The following ODR4 variants were observed in gnomAD, a reference collection of about 807,000 sequenced individuals.
ODR4 encodes the protein odr-4 GPCR localization factor homolog, also known as protein odr-4 homolog.
In ODR4, 47 loss-of-function variants were observed where a neutral mutation model predicts 60.2. The ratio of observed to expected loss-of-function variants is 0.78; its 90% CI spans 0.62 to 1.00. ODR4 has a LOEUF of 1.00. ODR4 is among the 50% of genes least tolerant of loss of function. ODR4 has a pLI of 0.00. For synonymous variants in ODR4, 178 were observed against 175.5 expected (o/e 1.01, Z -0.11); for missense variants, 488 against 530.8 (o/e 0.92, Z 0.79).
chr1:186,427,379 C>A, the ODR4 span, among the ~76,000 whole-genome samples: 11 of 152,194 alleles, frequency 7.2e-5, no homozygotes, highest in African/African-American at 2.7e-4. Flanking sequence ...GGAGTAGGTT[C>A]TATCTCCAGA....
chr1:186,415,764 C>G (rs1004965617), intron 12 of ODR4, among the ~76,000 whole-genome samples: 2 of 152,368 alleles, frequency 1.3e-5, no homozygotes, highest in South Asian at 2.1e-4. Context: ...CACACACTTT[C>G]ATTCAGCATT....
intron 4 of ODR4, among the ~76,000 whole-genome samples, chr1:186,387,983 T>G (rs1660316628): frequency 6.6e-6 from 1 of 152,232 alleles, no homozygotes; most frequent in Non-Finnish European, 1.5e-5. Context: ...CATGCTTGAT[T>G]TCTTTAGTTA....
At chr1:186,427,229 T>A in the ODR4 span, among the ~76,000 whole-genome samples, 2 of 152,224 alleles carry the variant, frequency 1.3e-5, no homozygotes, top group Admixed American at 1.3e-4. Flanking sequence ...GTGATGCCAT[T>A]TGATAGCATT....
the ODR4 span, among the ~76,000 whole-genome samples, chr1:186,431,686 A>T: frequency 1.3e-5 from 2 of 152,204 alleles, no homozygotes; most frequent in African/African-American, 4.8e-5. Context: ...TGATATTTGA[A>T]TTCTGAAATA....
In ODR4 at chr1:186,390,864, A is replaced by T; in HGVS notation, c.615+13A>T. 1 of 1,605,760 alleles carries T rather than the reference A, an allele frequency of 6.2e-7. No homozygotes were observed. Among genetic ancestry groups the T allele is most frequent in the Non-Finnish European group, 8.5e-7 (1 of 1,175,012 alleles). On this transcript the variant is annotated intron_variant, in intron 7 of 13. Coordinates refer to ENST00000287859, the MANE Select transcript of ODR4 (RefSeq NM_017847.6). ...GAAAAATACAAAGGTACCAGGGTAA[A>T]ATGAATTTTCTTCAGTGATTGCTGA...
At chr1:186,398,831 A>ATG in intron 10 of ODR4, 123 bp from the exon 11 acceptor site, 1 of 591,112 alleles carries the variant, frequency 1.7e-6, no homozygotes, top group Admixed American at 3.6e-5. Context: ...ACATTGAATG[A>ATG]TGTATCAGTT....
rs1660779717 is a variant in ODR4 at position 186,398,358 on chromosome 1, A to T, written c.826A>T (p.Ser276Cys). ...HRSTATVQIC[S>C]GSVNLKGAVK... The stretch of plus-strand genomic sequence containing the variant: ...ATCCACAGCCACAGTCCAGATATGT[A>T]GCGGTTCTGTAAACCTTAAGGGTGC... Residue 276 changes from serine (S) to cysteine (C), a missense_variant, in exon 10 of 14, where the codon AGC becomes TGC. Transcript: ENST00000287859. The T allele has an allele frequency of 6.2e-7, 1 of 1,611,282 alleles. No individual in the cohort carries two copies. The highest frequency in any genetic ancestry group is 8.5e-7 in the Non-Finnish European group (1 of 1,178,436).
chr1:186,431,164 G>A, the ODR4 span, among the ~76,000 whole-genome samples: 1 of 152,170 alleles, frequency 6.6e-6, no homozygotes, highest in Non-Finnish European at 1.5e-5. Context: ...ACTTGTAGGT[G>A]TGCTGGTGAA....
At chr1:186,383,392 A>G (rs1484841981) in intron 3 of ODR4, among the ~76,000 whole-genome samples, 3 of 152,114 alleles carry the variant, frequency 2.0e-5, no homozygotes, top group Non-Finnish European at 4.4e-5. Context: ...GTATTTATTG[A>G]ATGAATTATA....
At chr1:186,428,881 G>A in the ODR4 span, among the ~76,000 whole-genome samples, 100 of 152,222 alleles carry the variant, frequency 6.6e-4, 1 homozygote, top group East Asian at 0.017. Flanking sequence ...TCTTATATGG[G>A]CATGGTTCAT....
rs569198308 is a variant in ODR4 at position 186,402,733 on chromosome 1, G to A, written c.1001-3350G>A. Among the ~76,000 whole-genome samples, 12 of 149,782 alleles carry A rather than the reference G, an allele frequency of 8.0e-5. No homozygotes were observed. In the South Asian group the frequency reaches 8.5e-4, roughly 11 times the overall value. ...CTCCCAGGTAGCTGGGACTACAAGC[G>A]CACAGCAGTATGCCTGAGTAATCTT... is the stretch of plus-strand genomic sequence containing the variant. On this transcript the variant is annotated intron_variant, in intron 11 of 13. Coordinates refer to ENST00000287859, the MANE Select transcript of ODR4 (RefSeq NM_017847.6).
At chr1:186,397,076 G>A (rs1339452765) in intron 9 of ODR4, among the ~76,000 whole-genome samples, 1 of 152,080 alleles carries the variant, frequency 6.6e-6, no homozygotes, top group Non-Finnish European at 1.5e-5. Flanking sequence ...GAGCTGTGTG[G>A]TCTGTGGCAA....
intron 5 of ODR4, among the ~76,000 whole-genome samples, 165 bp from the exon 6 acceptor site, chr1:186,389,423 T>A (rs541284906): frequency 1.3e-5 from 2 of 152,296 alleles, no homozygotes; most frequent in African/African-American, 4.8e-5. Flanking sequence ...TACACATATG[T>A]ATATATATGC....
At chr1:186,380,276 T>C (rs1200925143) in intron 2 of ODR4, among the ~76,000 whole-genome samples, 1 of 152,226 alleles carries the variant, frequency 6.6e-6, no homozygotes, top group African/African-American at 2.4e-5. Flanking sequence ...ATTTTATTCC[T>C]GTTCTAATTT....
At chr1:186,384,317 G>A (rs3131550) in intron 3 of ODR4, among the ~76,000 whole-genome samples, 2 of 151,160 alleles carry the variant, frequency 1.3e-5, no homozygotes, top group Non-Finnish European at 2.9e-5. Flanking sequence ...ACCAGCTCTC[G>A]TAGGAACAAA....
Position 186,386,092 on chromosome 1 carries a change from G to C in ODR4, c.330+9G>C. 4 of 1,498,508 alleles carry C rather than the reference G, an allele frequency of 2.7e-6. No individual in the cohort carries two copies. Among genetic ancestry groups the C allele is most frequent in the Non-Finnish European group, 3.7e-6 (4 of 1,095,208 alleles). The allele number at this position is 1,498,508 out of a possible 1,614,324, so 92.8% of individuals were successfully genotyped here. A position where few individuals can be genotyped will look rare whatever the true frequency, so the allele number is the denominator to read the frequency against. ...AAAATGCCCTGCGTAGAGTAAGTTT[G>C]ATATATCGAAAATTCTTAATGAAAT... On this transcript the variant is annotated intron_variant, in intron 4 of 13. Coordinates refer to ENST00000287859, the MANE Select transcript of ODR4 (RefSeq NM_017847.6).
At chr1:186,409,628 C>T (rs1377894529) in intron 12 of ODR4, among the ~76,000 whole-genome samples, 2 of 152,222 alleles carry the variant, frequency 1.3e-5, no homozygotes, top group Non-Finnish European at 2.9e-5. Flanking sequence ...TCACTGCAAC[C>T]TCTGCCTCCC....
At position 186,420,766 on chromosome 1, in the gene ODR4, G is replaced by C. The variant is rs546908742; in HGVS notation, c.*1690G>C. 6.6e-6 allele frequency: 1 copy of C among 152,232 alleles called. No individual in the cohort carries two copies. The highest frequency in any genetic ancestry group is 2.1e-4 in the South Asian group (1 of 4,822). The allele number at this position is 152,232 out of a possible 1,614,324, so 9.4% of individuals were successfully genotyped here. A position where few individuals can be genotyped will look rare whatever the true frequency, so the allele number is the denominator to read the frequency against. Reference sequence around the variant, plus strand: ...AAACATTGGAAAGTTAAGAGAGTTCGAGGGAAGAATTATAAAGACTAGGAG... The same window carrying C: ...AAACATTGGAAAGTTAAGAGAGTTCCAGGGAAGAATTATAAAGACTAGGAG... On this transcript the variant is annotated 3_prime_UTR_variant, in exon 14 of 14. Transcript: ENST00000287859.
At chr1:186,390,934 A>G (rs1660445629) in intron 7 of ODR4, 83 bp downstream of exon 7, 2 of 1,320,628 alleles carry the variant, frequency 1.5e-6, no homozygotes, top group Admixed American at 2.4e-5. Context: ...CATTCATTTT[A>G]CAATCCTCAA....
Sources: gnomAD v4.1 joint callset for allele counts (sites outside exome capture counted in the v4.1 genomes callset) on GRCh38, gnomAD v4.1.1 for gene constraint, MANE v1.5 for transcripts, NCBI Gene and HGNC (gene_info 2026-07-23, HGNC 2026-07-21) for gene names.